The following CLEC16A variants were observed in gnomAD, a reference collection of about 807,000 sequenced individuals.
CLEC16A encodes C-type lectin domain containing 16A, also known as protein CLEC16A.
CLEC16A carries 51 observed loss-of-function variants against 109.5 expected under a neutral mutation model. The ratio of observed to expected loss-of-function variants is 0.47; its 90% confidence interval spans 0.37 to 0.59. The LOEUF is 0.59. CLEC16A is among the 20% of genes least tolerant of loss of function. CLEC16A has a pLI of 0.00. For synonymous variants in CLEC16A, 673 were observed against 564.2 expected, an observed-to-expected ratio of 1.19 and a Z score of -2.73; for missense variants, 1,339 against 1,394.0, an observed-to-expected ratio of 0.96 and a Z score of 0.63.
intron 23 of CLEC16A, among the ~76,000 whole-genome samples, chr16:11,177,023 C>A (rs1019838370): frequency 6.6e-6 from 1 of 151,650 alleles, no homozygotes; most frequent in African/African-American, 2.4e-5. Context: ...TCACGTTGAA[C>A]AAAAAAAAAT....
chr16:11,082,382 T>C (rs2049775057), intron 19 of CLEC16A, among the ~76,000 whole-genome samples: 1 of 152,228 alleles, frequency 6.6e-6, no homozygotes, highest in Non-Finnish European at 1.5e-5. Flanking sequence ...GGGTCCGGTC[T>C]TTCAATTCTC....
chr16:11,149,948 C>T (rs1364087909), intron 22 of CLEC16A: 3 of 152,178 alleles, frequency 2.0e-5, no homozygotes, highest in Admixed American at 2.0e-4. Flanking sequence ...ACAGAGCCAC[C>T]ACCCCTTCTC....
chr16:11,143,287 C>T (rs2053921049), intron 22 of CLEC16A, among the ~76,000 whole-genome samples: 1 of 152,178 alleles, frequency 6.6e-6, no homozygotes, highest in East Asian at 1.9e-4. Context: ...GGGAAGACAT[C>T]TTTGAGCAGG....
intron 13 of CLEC16A, among the ~76,000 whole-genome samples, chr16:11,029,405 C>G (rs1021684062): frequency 1.1e-4 from 17 of 152,136 alleles, no homozygotes; most frequent in African/African-American, 3.6e-4. Flanking sequence ...CTCTCTGCAG[C>G]TCTCTCTTCA....
chr16:11,040,020 T>G, intron 14 of CLEC16A, 144 bp downstream of exon 14: 1 of 1,025,578 alleles, frequency 9.8e-7, no homozygotes, highest in South Asian at 1.8e-5. Flanking sequence ...TCTCAACCCC[T>G]GCATCCTGGG....
rs574560885 is a variant in CLEC16A, at chr16:10,972,602, T to C, written c.604+43T>C. On this transcript the variant is annotated intron_variant, in intron 6 of 23. Transcript: ENST00000409790. ...GGTTTTCTGCTTTCTTAATCTACCC[T>C]TATATGTAAATACCTTGCTTGAGAA... 6 of 1,554,978 alleles carry C rather than the reference T, an allele frequency of 3.9e-6. No individual in the cohort carries two copies. The African/African-American group carries it at 4.1e-5, about 11-fold the overall frequency.
chr16:11,168,022 G>C (rs571717604), intron 23 of CLEC16A, among the ~76,000 whole-genome samples: 1 of 152,202 alleles, frequency 6.6e-6, no homozygotes, highest in South Asian at 2.1e-4. Flanking sequence ...CCTTGTAGCT[G>C]TGGTCACCTT....
intron 10 of CLEC16A, among the ~76,000 whole-genome samples, chr16:10,989,222 GTTTTTTGT>G (rs376252681): frequency 0.27 from 27,329 of 100,404 alleles, 2,654 homozygotes; most frequent in South Asian, 0.41. Flanking sequence ...GTTGTTTTTT[GTTTTTTGT>G]TTTTTTTTGA....
chr16:11,124,723 C>A (rs1202634146), intron 21 of CLEC16A, among the ~76,000 whole-genome samples: 1 of 152,190 alleles, frequency 6.6e-6, no homozygotes, highest in African/African-American at 2.4e-5. Context: ...CAGTGCTCAT[C>A]CTGGTGGCTG....
chr16:11,176,562 C>T (rs4781039), intron 23 of CLEC16A, among the ~76,000 whole-genome samples: 9 of 151,916 alleles, frequency 5.9e-5, no homozygotes, highest in African/African-American at 2.2e-4. Context: ...CGTAATGAGA[C>T]CCCGTCTCTA....
At chr16:10,955,424 C>T (rs577461966) in intron 1 of CLEC16A, among the ~76,000 whole-genome samples, 6 of 152,168 alleles carry the variant, frequency 3.9e-5, no homozygotes, top group Non-Finnish European at 8.8e-5. Context: ...TGAGGGTGGG[C>T]TGTGCAGTAG....
chr16:10,965,192 G>A (rs1372736484), intron 3 of CLEC16A, among the ~76,000 whole-genome samples: 1 of 152,188 alleles, frequency 6.6e-6, no homozygotes, highest in East Asian at 1.9e-4. Flanking sequence ...GGAAACCCAG[G>A]CAGATGCCCC....
chr16:11,031,049 C>G (rs1043983861), intron 13 of CLEC16A, among the ~76,000 whole-genome samples: 1 of 152,158 alleles, frequency 6.6e-6, no homozygotes, highest in Admixed American at 6.5e-5. Flanking sequence ...GTTCCTGTGG[C>G]ACTTTTTAAT....
At position 11,051,509 on chromosome 16, in the gene CLEC16A, C is replaced by A. The variant is rs201529720; in HGVS notation, c.1867-4C>A. The A allele has an allele frequency of 4.8e-5, 78 of 1,612,890 alleles. No individual in the cohort carries two copies. The highest frequency in any genetic ancestry group is 6.1e-5 in the Non-Finnish European group (72 of 1,179,044). ...TTTGAGGTTTCCTGTAATGTCTCTT[C>A]TAGATGAAGCCCATGAACGTGGAAT... is the stretch of plus-strand genomic sequence containing the variant. On this transcript the variant is annotated splice_region_variant and splice_polypyrimidine_tract_variant and intron_variant, in intron 17 of 23. Transcript: ENST00000409790.
intron 22 of CLEC16A, among the ~76,000 whole-genome samples, chr16:11,141,161 C>T (rs550338609): frequency 2.0e-5 from 3 of 152,314 alleles, no homozygotes; most frequent in African/African-American, 7.2e-5. Context: ...CAGGCTTTTC[C>T]GTAGGGTCCT....
rs569759930 is a variant in CLEC16A, at chr16:11,067,415, A to AG, written c.2116+6400dup. ...AAGGAGGGGCCCATTTGAGGGCTGC[A>AG]GGGGGGGTGTGGGTGCCGAGAAGTG... On this transcript the variant is annotated intron_variant, in intron 19 of 23. Coordinates refer to ENST00000409790, the MANE Select transcript of CLEC16A (RefSeq NM_015226.3). Among the ~76,000 whole-genome samples the AG allele has an allele frequency of 3.3e-3, 497 of 151,696 alleles. 3 individuals carry two copies. Among genetic ancestry groups the AG allele is most frequent in the Admixed American group, 5.8e-3 (88 of 15,228 alleles).
rs929646401 is a variant in CLEC16A, at chr16:10,961,372, T to C, written c.210-1083T>C. Among the ~76,000 whole-genome samples, 1 of 152,152 alleles carries C rather than the reference T, an allele frequency of 6.6e-6. No individual in the cohort carries two copies. The highest frequency in any genetic ancestry group is 1.5e-5 in the Non-Finnish European group (1 of 68,028). ...TTCCAGGCCCATGACCTCACCACTG[T>C]GGAGATGCCAGACGAGGACAGAGAG... On this transcript the variant is annotated intron_variant, in intron 2 of 23. Coordinates refer to ENST00000409790, the MANE Select transcript of CLEC16A (RefSeq NM_015226.3). This position sits in a 1 kb window ranked among gnomAD's most constrained non-coding sequence, Gnocchi z 4.3.
Position 11,051,621 on chromosome 16 carries a change from G to A in CLEC16A, c.1975G>A (p.Asp659Asn), listed in dbSNP as rs200183682. 22 of 1,613,906 alleles carry A rather than the reference G, an allele frequency of 1.4e-5. No homozygotes were observed. Among genetic ancestry groups the A allele is most frequent in the Middle Eastern group, 1.6e-4 (1 of 6,082 alleles). Residue 659 changes from aspartate to asparagine, a missense_variant, in exon 18 of 24, where the codon GAT (aspartate) becomes AAT (asparagine). By Grantham distance (23) the Asp-to-Asn change is conservative. This residue lies in a region of CLEC16A where 1,061 missense variants were observed against 1,006.8 expected (regional missense o/e 1.05). Transcript: ENST00000409790. ...CTTCGTGAAGCGGCTGCCGTGTGGC[G>A]ATGTGGAGAAGACCCGGCGGGTGAG... The part of the protein sequence containing the change: ...IDFVKRLPCG[D>N]VEKTRRAIRV...
Position 10,982,862 on chromosome 16 carries a change from CT to C in CLEC16A, c.958-8del, listed in dbSNP as rs760728622. 23 of 1,473,056 alleles carry C rather than the reference CT, an allele frequency of 1.6e-5. No individual in the cohort carries two copies. The highest frequency in any genetic ancestry group is 1.8e-5 in the Non-Finnish European group (19 of 1,053,474). The allele number at this position is 1,473,056 out of a possible 1,614,324, so 91.2% of individuals were successfully genotyped here. On this transcript the variant is annotated splice_polypyrimidine_tract_variant and intron_variant, in intron 9 of 23. Coordinates refer to ENST00000409790, the MANE Select transcript of CLEC16A (RefSeq NM_015226.3). ...GCACACTTTCATGCAAATCCCGTTTCTTTTTTTTCCGCCAGGTCTTCTTAAT... is the reference window on the plus strand; with the variant it reads ...GCACACTTTCATGCAAATCCCGTTTCTTTTTTTCCGCCAGGTCTTCTTAAT...
Sources: allele counts gnomAD v4.1 joint callset (sites outside exome capture counted in the v4.1 genomes callset), GRCh38; gene constraint gnomAD v4.1.1; regional missense constraint gnomAD v4.1.1; non-coding constraint Gnocchi (gnomAD v3.1); transcripts MANE v1.5; gene names NCBI Gene and HGNC (gene_info 2026-07-23, HGNC 2026-07-21).